RIMS1: variants seen among roughly 807,000 people sequenced by gnomAD.
The protein encoded by RIMS1 is regulating synaptic membrane exocytosis 1, also known as regulating synaptic membrane exocytosis protein 1.
Under a neutral mutation model 214.1 loss-of-function variants are expected in RIMS1, and 83 were observed. That is an observed-to-expected ratio of 0.39 (90% CI 0.32 to 0.47). The LOEUF is 0.47. RIMS1 is among the 20% of genes least tolerant of loss of function. RIMS1 has a pLI of 0.99. For synonymous variants in RIMS1, 793 were observed against 786.8 expected (o/e 1.01, Z -0.13); for missense variants, 2,050 against 2,161.8 (o/e 0.95, Z 1.03).
chr6:72,100,951 A>G (rs1174863572), intron 4 of RIMS1, among the ~76,000 whole-genome samples: 1 of 151,954 alleles, frequency 6.6e-6, no homozygotes, highest in Admixed American at 6.6e-5. Context: ...ATATAGGATA[A>G]TCTATTTTTG....
intron 4 of RIMS1, among the ~76,000 whole-genome samples, chr6:72,110,867 G>A (rs2035935442): frequency 6.6e-6 from 1 of 152,046 alleles, no homozygotes; most frequent in South Asian, 2.1e-4. Flanking sequence ...ATTATTTTGA[G>A]ATACATCCCA....
chr6:72,312,309 T>C (rs948130948), intron 27 of RIMS1, among the ~76,000 whole-genome samples: 1 of 152,184 alleles, frequency 6.6e-6, no homozygotes, highest in Admixed American at 6.5e-5. Context: ...TGTTATTTTG[T>C]TTTACAGAAG....
intron 2 of RIMS1, among the ~76,000 whole-genome samples, chr6:72,096,738 A>C (rs535934684): frequency 1.2e-3 from 178 of 152,356 alleles, no homozygotes; most frequent in South Asian, 5.4e-3. Context: ...CACATAGTTC[A>C]GTGCTAATAA....
At chr6:71,982,710 G>C (rs991554734) in intron 2 of RIMS1, among the ~76,000 whole-genome samples, 1 of 152,038 alleles carries the variant, frequency 6.6e-6, no homozygotes, top group East Asian at 1.9e-4. Flanking sequence ...CCTTCTGTCA[G>C]TTCTCACTCC....
At chr6:72,263,207 C>T in intron 19 of RIMS1, 1 of 985,052 alleles carries the variant, frequency 1.0e-6, no homozygotes, top group Non-Finnish European at 1.2e-6. Context: ...ATATTAAAGT[C>T]ATGTTCTAAA....
intron 24 of RIMS1, among the ~76,000 whole-genome samples, chr6:72,289,679 C>A (rs761041299): frequency 1.3e-5 from 2 of 152,024 alleles, no homozygotes; most frequent in Non-Finnish European, 2.9e-5. Context: ...AATTGCCAAT[C>A]TGAATAGAAG....
intron 29 of RIMS1, among the ~76,000 whole-genome samples, chr6:72,337,947 T>G (rs2096903920): frequency 6.6e-6 from 1 of 151,780 alleles, no homozygotes; most frequent in African/African-American, 2.4e-5. Context: ...TGCATAGTAT[T>G]CCATGGTGTA....
intron 16 of RIMS1, among the ~76,000 whole-genome samples, chr6:72,256,367 A>ACAACTTTC (rs1206702858): frequency 3.3e-5 from 5 of 152,146 alleles, no homozygotes; most frequent in African/African-American, 1.2e-4. Context: ...TAATATGTTA[A>ACAACTTTC]AAGTTTCAAG....
chr6:72,105,153 C>T (rs1304649704), intron 4 of RIMS1, among the ~76,000 whole-genome samples: 4 of 152,032 alleles, frequency 2.6e-5, no homozygotes, highest in Admixed American at 1.3e-4. Context: ...ATGCTGGTCT[C>T]GAACTCCTGG....
chr6:72,097,449 T>C (rs72934886), intron 3 of RIMS1, among the ~76,000 whole-genome samples: 8,491 of 152,312 alleles, frequency 0.056, 333 homozygotes, highest in Middle Eastern at 0.096. Flanking sequence ...GCAGTTAATG[T>C]AGATTTAATA....
rs1001336029 is a variant in RIMS1 at position 72,096,953 on chromosome 6, T to C, written c.250T>C (p.Leu84=). ...ACCATTTTCTCTTTTGCCTAGGAGA[T>C]TGCATCAACAGTTTGAAAGCTATAA... ...ENQPHQPSPR[L]HQQFESYKEQ... The change falls in exon 3 of 34, where the codon TTG becomes CTG. Residue 84 remains leucine, a synonymous_variant. Coordinates refer to ENST00000521978, the MANE Select transcript of RIMS1 (RefSeq NM_014989.7). The C allele has an allele frequency of 5.6e-6, 9 of 1,612,736 alleles. No individual in the cohort carries two copies. Among genetic ancestry groups the C allele is most frequent in the Non-Finnish European group, 7.6e-6 (9 of 1,179,200 alleles).
chr6:72,262,224 TATA>T (rs2078353669), intron 19 of RIMS1: 1 of 770,812 alleles, frequency 1.3e-6, no homozygotes, highest in Non-Finnish European at 1.6e-6. Flanking sequence ...TATATACTTA[TATA>T]ATATTATATA....
intron 4 of RIMS1, among the ~76,000 whole-genome samples, chr6:72,147,465 G>A (rs2042906959): frequency 2.0e-5 from 3 of 152,078 alleles, no homozygotes; most frequent in Non-Finnish European, 4.4e-5. Context: ...ATTTTGAGAG[G>A]GCTCTATCCT....
chr6:72,087,286 A>T (rs1366902979), intron 2 of RIMS1, among the ~76,000 whole-genome samples: 1 of 152,248 alleles, frequency 6.6e-6, no homozygotes, highest in African/African-American at 2.4e-5. Context: ...GGATTTTACC[A>T]TGCCAATGCA....
At chr6:71,994,556 T>C (rs1802829278) in intron 2 of RIMS1, among the ~76,000 whole-genome samples, 1 of 152,164 alleles carries the variant, frequency 6.6e-6, no homozygotes, top group Admixed American at 6.5e-5. Context: ...ATCTTAAATA[T>C]AGTTTTTTAA....
rs766776920 is a variant in RIMS1, at chr6:72,242,445, T to TA, written c.2081+15dup. ...TGTTTCAAGGCCTATTGGGTAAGGC[T>TA]AAAAAAACTTACTTCTTAAGTTTAG... On this transcript the variant is annotated intron_variant, in intron 10 of 33. Transcript: ENST00000521978. 2.6e-6 allele frequency: 4 copies of TA among 1,530,856 alleles called. No individual in the cohort carries two copies. The highest frequency in any genetic ancestry group is 2.2e-5 in the Admixed American group (1 of 46,120). 94.8% of individuals were successfully genotyped at this position (1,530,856 alleles called of 1,614,324 possible). A position where few individuals can be genotyped will look rare whatever the true frequency, so the allele number is the denominator to read the frequency against.
chr6:72,309,500 A>G (rs2095406646), intron 27 of RIMS1, among the ~76,000 whole-genome samples: 1 of 152,098 alleles, frequency 6.6e-6, no homozygotes, highest in Admixed American at 6.6e-5. Context: ...TACTTACATC[A>G]TTGAAATGAA....
chr6:72,100,927 A>G (rs2033401536), intron 4 of RIMS1, among the ~76,000 whole-genome samples: 2 of 152,048 alleles, frequency 1.3e-5, no homozygotes, highest in Non-Finnish European at 2.9e-5. Flanking sequence ...AAAAAGAAAT[A>G]GAGTTGAAAA....
intron 2 of RIMS1, among the ~76,000 whole-genome samples, chr6:72,048,451 T>C (rs1389000837): frequency 6.6e-6 from 1 of 152,218 alleles, no homozygotes; most frequent in Non-Finnish European, 1.5e-5. Context: ...TATGTTTTCA[T>C]TCATCAGTGA....
Sources: gnomAD v4.1 joint callset for allele counts (sites outside exome capture counted in the v4.1 genomes callset) on GRCh38, gnomAD v4.1.1 for gene constraint, MANE v1.5 for transcripts, NCBI Gene and HGNC (gene_info 2026-07-23, HGNC 2026-07-21) for gene names.